The following TBXAS1 variants were observed in gnomAD, a reference collection of about 807,000 sequenced individuals.
TBXAS1 encodes the protein thromboxane A synthase 1.
Under a neutral mutation model 60.7 loss-of-function variants are expected in TBXAS1, and 48 were observed. The observed-to-expected ratio is 0.79, with a 90% CI of 0.63 to 1.01. TBXAS1 has a LOEUF of 1.01. TBXAS1 is among the 50% of genes least tolerant of loss of function. The pLI, the probability that TBXAS1 is intolerant of heterozygous loss-of-function variation, is 0.00. For synonymous variants in TBXAS1, 287 were observed against 269.7 expected (o/e 1.06, Z -0.63); for missense variants, 685 against 686.3 (o/e 1.00, Z 0.02).
intron 4 of TBXAS1, among the ~76,000 whole-genome samples, chr7:139,822,444 A>G (rs573322855): frequency 2.6e-5 from 4 of 152,078 alleles, no homozygotes; most frequent in African/African-American, 9.6e-5. Context: ...TGCCCCATCC[A>G]CAAGCAAATG....
intron 4 of TBXAS1, among the ~76,000 whole-genome samples, chr7:139,812,210 A>C (rs1243306985): frequency 1.3e-5 from 2 of 152,250 alleles, no homozygotes; most frequent in African/African-American, 4.8e-5. Flanking sequence ...CAGAGCAAAG[A>C]AAAGTAGGTT....
rs374601840 is a variant in TBXAS1, at chr7:139,814,033, G to A, written c.-79-15279G>A. ...GTGGCATTGATGCTGCCTTCCCCCA[G>A]CACGGCCTTTGCTTCTGCCTCTCCT... On this transcript the variant is annotated intron_variant, in intron 4 of 16. Coordinates refer to the TBXAS1 transcript ENST00000336425. Among the ~76,000 whole-genome samples the A allele has an allele frequency of 1.5e-4, 23 of 152,244 alleles. No homozygotes were observed. In the South Asian group the frequency reaches 4.4e-3, roughly 29 times the overall value.
At chr7:139,914,326 T>A (rs954078751) in intron 4 of TBXAS1, among the ~76,000 whole-genome samples, 10 of 152,158 alleles carry the variant, frequency 6.6e-5, no homozygotes, top group African/African-American at 2.4e-4. Context: ...CCTGAGCCAC[T>A]GTACCTGGCC....
At position 140,020,125 on chromosome 7, in the gene TBXAS1, G is replaced by T. The variant is rs749876546; in HGVS notation, c.*26G>T. Reference sequence around the variant, plus strand: ...CACAGAAGGCTGCCGGGTGGGGGGAGGGCACCCCCAAATTCAAAGAAAACC... The same window carrying T: ...CACAGAAGGCTGCCGGGTGGGGGGATGGCACCCCCAAATTCAAAGAAAACC... On this transcript the variant is annotated 3_prime_UTR_variant, in exon 13 of 13. Transcript: ENST00000448866. 30 of 1,523,936 alleles carry T rather than the reference G, an allele frequency of 2.0e-5. No individual in the cohort carries two copies. The highest frequency in any genetic ancestry group is 4.5e-6 in the Non-Finnish European group (5 of 1,099,404). The allele number at this position is 1,523,936 out of a possible 1,614,324, so 94.4% of individuals were successfully genotyped here. A position where few individuals can be genotyped will look rare whatever the true frequency, so the allele number is the denominator to read the frequency against.
At chr7:139,919,713 T>C (rs1806300432) in intron 4 of TBXAS1, among the ~76,000 whole-genome samples, 1 of 152,228 alleles carries the variant, frequency 6.6e-6, no homozygotes, top group South Asian at 2.1e-4. Context: ...CGAGAATCAC[T>C]GGGCTGGTGC....
chr7:139,923,499 T>A (rs1333757690), intron 4 of TBXAS1, among the ~76,000 whole-genome samples: 1 of 151,892 alleles, frequency 6.6e-6, no homozygotes, highest in South Asian at 2.1e-4. Flanking sequence ...ATGGGGTATA[T>A]GAAATATTTT....
At chr7:139,845,660 C>T (rs1799748611) in intron 1 of TBXAS1, among the ~76,000 whole-genome samples, 6 of 152,018 alleles carry the variant, frequency 3.9e-5, no homozygotes, top group Admixed American at 3.9e-4. Flanking sequence ...AACCAAACTG[C>T]GTTAGAAGAG....
At chr7:139,816,440 G>C (rs1798149712) in intron 4 of TBXAS1, among the ~76,000 whole-genome samples, 1 of 152,196 alleles carries the variant, frequency 6.6e-6, no homozygotes, top group South Asian at 2.1e-4. Context: ...GTGTCCCCCA[G>C]AGGTGCCATC....
intron 4 of TBXAS1, among the ~76,000 whole-genome samples, chr7:139,921,238 A>C (rs1285261014): frequency 2.6e-5 from 4 of 152,110 alleles, no homozygotes; most frequent in Non-Finnish European, 5.9e-5. Flanking sequence ...CTTCTCAGTC[A>C]ACCCATCCCT....
At chr7:139,883,399 G>A (rs533178203) in intron 3 of TBXAS1, among the ~76,000 whole-genome samples, 2 of 152,118 alleles carry the variant, frequency 1.3e-5, no homozygotes, top group East Asian at 3.9e-4. Context: ...TCTTCTTTCA[G>A]CCCATTTATT....
intron 4 of TBXAS1, chr7:139,913,566 T>A: frequency 5.7e-6 from 1 of 176,630 alleles, no homozygotes; most frequent in Non-Finnish European, 1.2e-5. Flanking sequence ...TTTGGCCTGC[T>A]AGGGGCAGAC....
intron 9 of TBXAS1, among the ~76,000 whole-genome samples, chr7:139,980,526 T>C (rs777254445): frequency 1.3e-5 from 2 of 152,076 alleles, no homozygotes; most frequent in African/African-American, 2.4e-5. Context: ...GAAAGAAACA[T>C]GTTTCTCTCC....
chr7:139,869,103 A>G (rs928187943), intron 1 of TBXAS1, among the ~76,000 whole-genome samples: 3 of 152,136 alleles, frequency 2.0e-5, no homozygotes, highest in African/African-American at 7.2e-5. Context: ...CCAGACCACC[A>G]GAAATTTATT....
At chr7:140,016,521 T>C (rs977169991) in intron 11 of TBXAS1, 1 of 212,574 alleles carries the variant, frequency 4.7e-6, no homozygotes, top group Non-Finnish European at 9.7e-6. Flanking sequence ...AGGTCTGCAC[T>C]GGAAAGTAAC....
chr7:139,833,119 T>C (rs1405378407), intron 1 of TBXAS1, among the ~76,000 whole-genome samples: 2 of 152,014 alleles, frequency 1.3e-5, no homozygotes, highest in Admixed American at 6.6e-5. Context: ...AAGAGCCCAA[T>C]GAATGCAATG....
At chr7:139,863,431 AT>A (rs1801112914) in intron 1 of TBXAS1, among the ~76,000 whole-genome samples, 1 of 152,192 alleles carries the variant, frequency 6.6e-6, no homozygotes, top group South Asian at 2.1e-4. Flanking sequence ...AATGGCTGTC[AT>A]TCACTAAATC....
intron 9 of TBXAS1, among the ~76,000 whole-genome samples, chr7:139,966,835 C>A (rs914897182): frequency 6.6e-6 from 1 of 152,192 alleles, no homozygotes; most frequent in East Asian, 1.9e-4. Context: ...TGCCGCCCTG[C>A]GGGAGGAGAG....
intron 3 of TBXAS1, 25 bp downstream of exon 3, chr7:139,875,662 A>G: frequency 1.2e-6 from 2 of 1,613,608 alleles, no homozygotes; most frequent in Non-Finnish European, 1.7e-6. Flanking sequence ...CAACGTTTCT[A>G]TTATGTACGA....
chr7:139,832,570 G>A (rs1290231940), intron 1 of TBXAS1, among the ~76,000 whole-genome samples: 1 of 151,992 alleles, frequency 6.6e-6, no homozygotes, highest in Non-Finnish European at 1.5e-5. Flanking sequence ...CCCCAGTCTA[G>A]CTAGAGACCT....
Sources: gnomAD v4.1 joint callset for allele counts (sites outside exome capture counted in the v4.1 genomes callset) on GRCh38, gnomAD v4.1.1 for gene constraint, MANE v1.5 for transcripts, NCBI Gene and HGNC (gene_info 2026-07-23, HGNC 2026-07-21) for gene names.